The following NLGN1 variants were observed in gnomAD, a reference collection of about 807,000 sequenced individuals.
The protein encoded by NLGN1 is neuroligin-1.
In NLGN1, 12 loss-of-function variants were observed where a neutral mutation model predicts 65.5. The ratio of observed to expected loss-of-function variants is 0.18; its 90% CI spans 0.12 to 0.30. NLGN1 has a LOEUF of 0.30. Among genes scored for constraint, NLGN1 ranks in the 10% least tolerant of loss-of-function variants. NLGN1 has a pLI of 1.00. For missense variants in NLGN1, 750 were observed against 1,007.1 expected (o/e 0.74, Z 3.46); for synonymous variants, 350 against 359.5 (o/e 0.97, Z 0.30).
At chr3:174,254,482 A>G (rs1745322642) in intron 4 of NLGN1, among the ~76,000 whole-genome samples, 2 of 151,954 alleles carry the variant, frequency 1.3e-5, no homozygotes, top group Non-Finnish European at 2.9e-5. Flanking sequence ...CTGTGTTTCT[A>G]GATCATTTGT....
At chr3:173,519,752 T>A (rs551397386) in intron 2 of NLGN1, among the ~76,000 whole-genome samples, 1 of 152,104 alleles carries the variant, frequency 6.6e-6, no homozygotes, top group Non-Finnish European at 1.5e-5. Flanking sequence ...ACTTTCCTTA[T>A]CTCAGATGAG....
At chr3:174,231,322 T>C (rs1380004743) in intron 4 of NLGN1, among the ~76,000 whole-genome samples, 1 of 151,968 alleles carries the variant, frequency 6.6e-6, no homozygotes, top group Admixed American at 6.6e-5. Flanking sequence ...CATTTATAGA[T>C]AAAAAAGGTA....
chr3:173,958,287 A>T (rs1298767862), intron 4 of NLGN1, among the ~76,000 whole-genome samples: 1 of 152,214 alleles, frequency 6.6e-6, no homozygotes, highest in African/African-American at 2.4e-5. Flanking sequence ...AAGTACATGG[A>T]CAAGTGGAGG....
intron 4 of NLGN1, among the ~76,000 whole-genome samples, chr3:173,959,415 G>T (rs1019647542): frequency 1.3e-5 from 2 of 152,236 alleles, no homozygotes; most frequent in Non-Finnish European, 2.9e-5. Context: ...TGTCTCCCAT[G>T]CCTGGAGTCA....
chr3:173,610,118 A>G (rs1041208144), intron 3 of NLGN1, among the ~76,000 whole-genome samples: 3 of 151,928 alleles, frequency 2.0e-5, no homozygotes, highest in African/African-American at 7.2e-5. Flanking sequence ...GTCATGGTCC[A>G]GGCTCAAACC....
chr3:173,492,322 A>G (rs2149017131), intron 2 of NLGN1, among the ~76,000 whole-genome samples: 1 of 151,970 alleles, frequency 6.6e-6, no homozygotes, highest in South Asian at 2.1e-4. Flanking sequence ...CCTGTCACAT[A>G]GAATCATTTA....
intron 4 of NLGN1, among the ~76,000 whole-genome samples, chr3:173,906,943 C>T (rs985148473): frequency 4.0e-5 from 6 of 150,334 alleles, no homozygotes; most frequent in Non-Finnish European, 4.4e-5. Flanking sequence ...TTAATAAATG[C>T]TTGAAAAGGT....
At chr3:173,741,505 G>T (rs564253706) in intron 3 of NLGN1, among the ~76,000 whole-genome samples, 36 of 152,020 alleles carry the variant, frequency 2.4e-4, no homozygotes, top group Middle Eastern at 3.4e-3. Flanking sequence ...TTTTGTTTTT[G>T]TTTTTGAGAC....
At chr3:173,444,860 TCA>T (rs1279601831) in intron 2 of NLGN1, among the ~76,000 whole-genome samples, 1 of 151,984 alleles carries the variant, frequency 6.6e-6, no homozygotes, top group Non-Finnish European at 1.5e-5. Context: ...ACACACATAC[TCA>T]CACACATATA....
intron 4 of NLGN1, among the ~76,000 whole-genome samples, chr3:174,152,274 T>C (rs1462574263): frequency 1.3e-5 from 2 of 152,212 alleles, no homozygotes; most frequent in East Asian, 1.9e-4. Flanking sequence ...TCTATATATA[T>C]GTCTATCCTT....
intron 4 of NLGN1, among the ~76,000 whole-genome samples, chr3:174,070,283 T>G (rs563826902): frequency 1.3e-5 from 2 of 152,128 alleles, no homozygotes; most frequent in East Asian, 1.9e-4. Flanking sequence ...TTCTACTTGG[T>G]TATTATTTGC....
At chr3:173,634,019 A>T (rs575392094) in intron 3 of NLGN1, among the ~76,000 whole-genome samples, 6 of 152,154 alleles carry the variant, frequency 3.9e-5, no homozygotes, top group Admixed American at 3.9e-4. Flanking sequence ...GTAATTCTCT[A>T]CTAGAATAAA....
intron 4 of NLGN1, among the ~76,000 whole-genome samples, chr3:173,938,671 C>T (rs958911802): frequency 6.6e-6 from 1 of 152,134 alleles, no homozygotes; most frequent in African/African-American, 2.4e-5. Flanking sequence ...ATTAATTTGG[C>T]TTCTCTAATA....
chr3:173,974,123 A>G (rs1716896202), intron 4 of NLGN1, among the ~76,000 whole-genome samples: 1 of 152,034 alleles, frequency 6.6e-6, no homozygotes, highest in Non-Finnish European at 1.5e-5. Context: ...ATCAAAGAGC[A>G]ATTAAAGTTA....
At chr3:174,087,922 T>C (rs2152561135) in intron 4 of NLGN1, among the ~76,000 whole-genome samples, 1 of 152,350 alleles carries the variant, frequency 6.6e-6, no homozygotes, top group Middle Eastern at 3.4e-3. Flanking sequence ...CCTTTTGCTT[T>C]GTATTCCTGC....
intron 4 of NLGN1, among the ~76,000 whole-genome samples, chr3:174,105,755 T>A (rs1004515851): frequency 7.0e-6 from 1 of 143,018 alleles, no homozygotes; most frequent in African/African-American, 2.6e-5. Flanking sequence ...TTCCACATTT[T>A]ACCTAATGAA....
chr3:173,399,894 A>C (rs1717340336), intron 1 of NLGN1: 1 of 152,190 alleles, frequency 6.6e-6, no homozygotes, highest in Non-Finnish European at 1.5e-5. Flanking sequence ...ATTAATACAG[A>C]TATAGCTTTG....
At position 173,864,513 on chromosome 3, in the gene NLGN1, C is replaced by G. The variant is rs1403398532; in HGVS notation, c.646+56681C>G. ...TTTAGCTTTTGAATTTTCAGACTAC[C>G]TGGCATCTTTAACACAGTAATAAAA... On this transcript the variant is annotated intron_variant, in intron 4 of 6. Transcript: ENST00000457714. Among the ~76,000 whole-genome samples, 5 of 152,144 alleles carry G rather than the reference C, an allele frequency of 3.3e-5. No individual in the cohort carries two copies. In the South Asian group the frequency reaches 1.0e-3, roughly 32 times the overall value.
At chr3:174,103,666 T>C (rs1468149471) in intron 4 of NLGN1, among the ~76,000 whole-genome samples, 7 of 152,108 alleles carry the variant, frequency 4.6e-5, no homozygotes. Flanking sequence ...TGCAGTGAAC[T>C]AGTGGTATGA....
Sources: allele counts gnomAD v4.1 joint callset (sites outside exome capture counted in the v4.1 genomes callset), GRCh38; gene constraint gnomAD v4.1.1; transcripts MANE v1.5; gene names NCBI Gene and HGNC (gene_info 2026-07-23, HGNC 2026-07-21).